HLCS: variants seen among roughly 807,000 people sequenced by gnomAD.
HLCS encodes the protein holocarboxylase synthetase.
A neutral mutation model predicts 75.0 loss-of-function variants in HLCS; 53 were observed. The ratio of observed to expected loss-of-function variants is 0.71; its 90% CI spans 0.57 to 0.89. HLCS has a LOEUF of 0.89. Ranked by LOEUF, HLCS falls within the 40% of genes least tolerant of loss-of-function variation. HLCS has a pLI of 0.00. For missense variants in HLCS, 966 were observed against 1,074.0 expected (o/e 0.90, Z 1.41); for synonymous variants, 431 against 428.6 (o/e 1.01, Z -0.07).
At chr21:36,858,311 T>C (rs2063267765) in intron 6 of HLCS, among the ~76,000 whole-genome samples, 1 of 152,224 alleles carries the variant, frequency 6.6e-6, no homozygotes. Flanking sequence ...AAAAGACAGA[T>C]AATTCCACAA....
chr21:36,960,326 G>A (rs7283304), intron 2 of HLCS, among the ~76,000 whole-genome samples: 2 of 152,252 alleles, frequency 1.3e-5, no homozygotes, highest in African/African-American at 4.8e-5. Context: ...AGAGGTTTCT[G>A]TCTGGTGAAA....
chr21:36,822,754 G>A (rs1490810356), intron 6 of HLCS, among the ~76,000 whole-genome samples: 1 of 152,100 alleles, frequency 6.6e-6, no homozygotes, highest in Non-Finnish European at 1.5e-5. Flanking sequence ...TTCAAAATAT[G>A]GTTATGCAGG....
At chr21:36,800,094 A>G (rs2061152414) in intron 6 of HLCS, among the ~76,000 whole-genome samples, 1 of 152,132 alleles carries the variant, frequency 6.6e-6, no homozygotes, top group Non-Finnish European at 1.5e-5. Context: ...AACACAGGAA[A>G]ACAACTTCTG....
intron 6 of HLCS, among the ~76,000 whole-genome samples, chr21:36,872,427 C>G (rs1007062160): frequency 1.3e-5 from 2 of 151,182 alleles, no homozygotes; most frequent in Non-Finnish European, 2.9e-5. Context: ...ATACCATTAA[C>G]TAGAGTTCAA....
At chr21:36,899,689 A>G (rs190104251) in intron 5 of HLCS, among the ~76,000 whole-genome samples, 58 of 152,352 alleles carry the variant, frequency 3.8e-4, no homozygotes, top group African/African-American at 1.3e-3. Context: ...CATCCATTCA[A>G]CAAATGTTAC....
chr21:36,832,315 T>C (rs2062240502), intron 6 of HLCS, among the ~76,000 whole-genome samples: 1 of 152,182 alleles, frequency 6.6e-6, no homozygotes, highest in East Asian at 1.9e-4. Flanking sequence ...ACTATGCACA[T>C]AGCCAGAATC....
chr21:36,920,889 C>G (rs1347765933), intron 5 of HLCS, among the ~76,000 whole-genome samples: 1 of 152,106 alleles, frequency 6.6e-6, no homozygotes, highest in Non-Finnish European at 1.5e-5. Context: ...CTAGACAATC[C>G]TAGGCAGAGT....
At chr21:36,787,615 T>C (rs1267661760) in intron 6 of HLCS, among the ~76,000 whole-genome samples, 3 of 152,160 alleles carry the variant, frequency 2.0e-5, no homozygotes, top group Admixed American at 6.5e-5. Flanking sequence ...GATGGAAAGC[T>C]CCTTTGCGGT....
At chr21:36,806,369 T>C (rs950056423) in intron 6 of HLCS, 2 of 152,088 alleles carry the variant, frequency 1.3e-5, no homozygotes, top group East Asian at 1.9e-4. Context: ...CTTTGAGATA[T>C]GACAGAGACA....
At chr21:36,963,092 G>T (rs1177180575) in intron 1 of HLCS, among the ~76,000 whole-genome samples, 1 of 152,170 alleles carries the variant, frequency 6.6e-6, no homozygotes, top group Non-Finnish European at 1.5e-5. Context: ...ATACTTTAAT[G>T]GAATGTAAAC....
chr21:36,979,137 T>A (rs1476683517), intron 1 of HLCS, among the ~76,000 whole-genome samples: 1 of 151,940 alleles, frequency 6.6e-6, no homozygotes, highest in Non-Finnish European at 1.5e-5. Flanking sequence ...CCGGGCATGA[T>A]GGCGGGCGCC....
chr21:36,762,952 C>T (rs538929716), intron 8 of HLCS, among the ~76,000 whole-genome samples: 18 of 152,342 alleles, frequency 1.2e-4, no homozygotes, highest in African/African-American at 3.1e-4. Context: ...TTAATGTTCT[C>T]GGCTTAGTGT....
At chr21:36,767,159 C>T in intron 7 of HLCS, 59 bp downstream of exon 7, 5 of 1,538,080 alleles carry the variant, frequency 3.3e-6, no homozygotes, top group Non-Finnish European at 1.8e-6. Context: ...TCCTGGGCCA[C>T]AAGAGTTGCA....
At chr21:36,770,909 G>A (rs1238971383) in intron 6 of HLCS, among the ~76,000 whole-genome samples, 2 of 152,080 alleles carry the variant, frequency 1.3e-5, no homozygotes, top group Non-Finnish European at 2.9e-5. Flanking sequence ...AAGACCAAAA[G>A]GTCCGTTTTA....
At chr21:36,785,931 G>T (rs1427866074) in intron 6 of HLCS, among the ~76,000 whole-genome samples, 1 of 152,134 alleles carries the variant, frequency 6.6e-6, no homozygotes, top group Non-Finnish European at 1.5e-5. Context: ...CCCCTCCATT[G>T]TGTGTTTTCC....
intron 5 of HLCS, among the ~76,000 whole-genome samples, chr21:36,925,191 C>T (rs545040473): frequency 1.8e-3 from 267 of 152,252 alleles, no homozygotes; most frequent in Admixed American, 4.1e-3. Context: ...CTCCCCACTA[C>T]CAAAATCACA....
chr21:36,859,975 G>A (rs2063328256), intron 6 of HLCS, among the ~76,000 whole-genome samples: 1 of 152,186 alleles, frequency 6.6e-6, no homozygotes, highest in African/African-American at 2.4e-5. Flanking sequence ...ATTGTTCCTT[G>A]CAGGTCGCAT....
intron 1 of HLCS, among the ~76,000 whole-genome samples, chr21:36,963,499 C>T (rs982548174): frequency 3.9e-5 from 6 of 152,130 alleles, no homozygotes; most frequent in South Asian, 2.1e-4. Context: ...CGGTGGCTCA[C>T]GCCTGTAATC....
At chr21:36,933,706 G>A (rs1255019526) in intron 4 of HLCS, among the ~76,000 whole-genome samples, 16 of 152,064 alleles carry the variant, frequency 1.1e-4, no homozygotes, top group Non-Finnish European at 2.1e-4. Flanking sequence ...CGGCTATCCC[G>A]GAGATTAACC....
Sources: allele counts gnomAD v4.1 joint callset (sites outside exome capture counted in the v4.1 genomes callset), GRCh38; gene constraint gnomAD v4.1.1; transcripts MANE v1.5; gene names NCBI Gene and HGNC (gene_info 2026-07-23, HGNC 2026-07-21).